The following PRELID2 variants were observed in gnomAD, a reference collection of about 807,000 sequenced individuals.
The protein encoded by PRELID2 is PRELI domain containing 2, also known as PRELI domain-containing protein 2.
PRELID2 carries 25 observed loss-of-function variants against 28.4 expected under a neutral mutation model. That is an observed-to-expected ratio of 0.88 (90% CI 0.64 to 1.23). The LOEUF (loss-of-function observed/expected upper bound fraction) is 1.23. Ranked by LOEUF, PRELID2 falls within the 50% of genes most tolerant of loss-of-function variation. PRELID2 has a pLI of 0.00. For synonymous variants in PRELID2, 76 were observed against 71.6 expected, an observed-to-expected ratio of 1.06 and a Z score of -0.31; for missense variants, 201 against 214.4, an observed-to-expected ratio of 0.94 and a Z score of 0.39.
At chr5:145,791,610 G>A (rs1280395268) in intron 5 of PRELID2, among the ~76,000 whole-genome samples, 1 of 152,128 alleles carries the variant, frequency 6.6e-6, no homozygotes, top group Admixed American at 6.5e-5. Context: ...TGGCTAAGGA[G>A]TTCCTGTTTG....
intron 1 of PRELID2, among the ~76,000 whole-genome samples, chr5:145,570,655 T>C (rs1159058731): frequency 6.6e-6 from 1 of 152,194 alleles, no homozygotes; most frequent in South Asian, 2.1e-4. Flanking sequence ...AATCTATCCA[T>C]GTCTCATCCC....
intron 1 of PRELID2, among the ~76,000 whole-genome samples, chr5:145,659,003 A>G (rs1298898073): frequency 6.6e-6 from 1 of 152,200 alleles, no homozygotes; most frequent in Non-Finnish European, 1.5e-5. Context: ...GATGCATGAG[A>G]ACTCAAGGCA....
intron 1 of PRELID2, among the ~76,000 whole-genome samples, chr5:145,718,544 T>A (rs1755901998): frequency 1.3e-5 from 2 of 151,936 alleles, no homozygotes; most frequent in African/African-American, 4.8e-5. Flanking sequence ...TTGAGAAATT[T>A]ATCATATTTG....
At chr5:145,547,332 G>A (rs543270416) in intron 1 of PRELID2, among the ~76,000 whole-genome samples, 119 of 152,130 alleles carry the variant, frequency 7.8e-4, no homozygotes, top group Non-Finnish European at 1.4e-3. Context: ...CAGGCTGGTC[G>A]GTGGTGTCCA....
intron 1 of PRELID2, among the ~76,000 whole-genome samples, chr5:145,535,696 C>T (rs1752692562): frequency 6.6e-6 from 1 of 151,744 alleles, no homozygotes; most frequent in Non-Finnish European, 1.5e-5. Flanking sequence ...CGTTTTGGCT[C>T]CAACTTTCAG....
intron 1 of PRELID2, among the ~76,000 whole-genome samples, chr5:145,529,503 T>C (rs1209919829): frequency 1.3e-5 from 2 of 152,196 alleles, no homozygotes; most frequent in Non-Finnish European, 2.9e-5. Flanking sequence ...CCATTTGAAT[T>C]ATCTTGAGAA....
At chr5:145,553,882 C>T (rs754096131) in intron 1 of PRELID2, among the ~76,000 whole-genome samples, 1 of 152,042 alleles carries the variant, frequency 6.6e-6, no homozygotes, top group East Asian at 1.9e-4. Flanking sequence ...AAGGATGCAG[C>T]CTGAATCAGG....
At chr5:145,327,867 G>A in the PRELID2 span, among the ~76,000 whole-genome samples, 57 of 152,128 alleles carry the variant, frequency 3.7e-4, no homozygotes, top group African/African-American at 1.3e-3. Flanking sequence ...ACATGCCATG[G>A]TGGTTTGCTG....
chr5:145,539,795 C>T (rs1752731478), intron 1 of PRELID2, among the ~76,000 whole-genome samples: 1 of 151,398 alleles, frequency 6.6e-6, no homozygotes, highest in South Asian at 2.1e-4. Context: ...TATTACGTTT[C>T]CAGAAAGTTC....
chr5:145,445,733 T>C, the PRELID2 span, among the ~76,000 whole-genome samples: 2 of 86,984 alleles, frequency 2.3e-5, no homozygotes, highest in Non-Finnish European at 4.6e-5. Flanking sequence ...TGAACAGGTG[T>C]CTCACAAAAC....
downstream of PRELID2, among the ~76,000 whole-genome samples, chr5:145,754,899 C>A (rs1469613871): frequency 3.3e-5 from 5 of 152,124 alleles, no homozygotes; most frequent in Non-Finnish European, 7.3e-5. Context: ...TAACCAACAC[C>A]ACAGACATCT....
the PRELID2 span, among the ~76,000 whole-genome samples, chr5:145,390,495 G>C: frequency 1.8e-4 from 28 of 152,220 alleles, no homozygotes; most frequent in Non-Finnish European, 1.2e-4. Flanking sequence ...CAGATATCAT[G>C]AGAATTTGAG....
At chr5:145,573,833 A>G in intron 1 of PRELID2, among the ~76,000 whole-genome samples, 2 of 152,190 alleles carry the variant, frequency 1.3e-5, no homozygotes, top group East Asian at 3.9e-4. Context: ...AATCTTTTAG[A>G]AGGGGAGTGG....
Position 145,740,605 on chromosome 5 carries a change from TA to T in PRELID2, n.70+24325del, listed in dbSNP as rs376235356. Among the ~76,000 whole-genome samples the T allele has an allele frequency of 4.4e-3, 476 of 108,332 alleles. 15 individuals carry two copies. Among genetic ancestry groups the T allele is most frequent in the South Asian group, 9.0e-3 (35 of 3,908 alleles). 71.1% of individuals were successfully genotyped at this position (108,332 alleles called of 152,430 possible). On this transcript the variant is annotated intron_variant and non_coding_transcript_variant, in intron 1 of 2. Transcript: ENST00000510259. Reference sequence around the variant, plus strand: ...ATTATATATATAAATATATATATATTATATATATAAATATATATATATTATA... The same window carrying T: ...ATTATATATATAAATATATATATATTTATATATAAATATATATATATTATA...
downstream of PRELID2, chr5:145,471,759 A>G: frequency 6.6e-6 from 1 of 152,142 alleles, no homozygotes; most frequent in East Asian, 1.9e-4. Flanking sequence ...GAAATACGTT[A>G]AAAACTGACA....
At chr5:145,730,297 AT>A (rs1308419287) in intron 1 of PRELID2, among the ~76,000 whole-genome samples, 1 of 152,168 alleles carries the variant, frequency 6.6e-6, no homozygotes, top group African/African-American at 2.4e-5. Context: ...GGCCAAAGTA[AT>A]TCTCATAGCC....
chr5:145,749,827 A>G (rs1757083065), intron 1 of PRELID2, among the ~76,000 whole-genome samples: 2 of 152,210 alleles, frequency 1.3e-5, no homozygotes, highest in South Asian at 4.1e-4. Flanking sequence ...ACATGGTTGA[A>G]GCTGGAAGCC....
chr5:145,375,904 C>A, the PRELID2 span, among the ~76,000 whole-genome samples: 1 of 152,142 alleles, frequency 6.6e-6, no homozygotes, highest in Admixed American at 6.5e-5. Context: ...ATGTGTTAGG[C>A]AGTTGTGAGT....
chr5:145,476,483 A>G (rs1490468852), intron 1 of PRELID2, among the ~76,000 whole-genome samples: 1 of 152,118 alleles, frequency 6.6e-6, no homozygotes, highest in Non-Finnish European at 1.5e-5. Context: ...TATCTCTACT[A>G]AACATACAAA....
Sources: allele counts gnomAD v4.1 joint callset (sites outside exome capture counted in the v4.1 genomes callset), GRCh38; gene constraint gnomAD v4.1.1; transcripts MANE v1.5; gene names NCBI Gene and HGNC (gene_info 2026-07-23, HGNC 2026-07-21).